The following GRIK4 variants were observed in gnomAD, a reference collection of about 807,000 sequenced individuals.
GRIK4 encodes glutamate receptor ionotropic, kainate 4.
A neutral mutation model predicts 104.9 loss-of-function variants in GRIK4; 40 were observed. That is an observed-to-expected ratio of 0.38 (90% CI 0.30 to 0.50). The LOEUF (loss-of-function observed/expected upper bound fraction) is 0.50, where lower values mean the gene tolerates loss of function less well. Ranked by LOEUF, GRIK4 falls within the 20% of genes least tolerant of loss-of-function variation. The pLI is 0.93. For missense variants in GRIK4, 1,047 were observed against 1,308.1 expected (o/e 0.80, Z 3.08); for synonymous variants, 485 against 524.9 (o/e 0.92, Z 1.04).
Position 120,781,971 on chromosome 11 carries a change from C to T in GRIK4, c.83-20722C>T, listed in dbSNP as rs146522782. On this transcript the variant is annotated intron_variant, in intron 3 of 20. Coordinates refer to ENST00000527524, the MANE Select transcript of GRIK4 (RefSeq NM_014619.5). ...CTGCCAAGCTCCCTCTTACCTTTCTCCTCCAACTTGGCATGTTCTTCCTCT... is the reference window on the plus strand; with the variant it reads ...CTGCCAAGCTCCCTCTTACCTTTCTTCTCCAACTTGGCATGTTCTTCCTCT... Among the ~76,000 whole-genome samples, 3 of 152,288 alleles carry T rather than the reference C, an allele frequency of 2.0e-5. No individual in the cohort carries two copies. The East Asian group carries it at 5.8e-4, about 29-fold the overall frequency.
chr11:120,655,027 C>T (rs1001132520), intron 2 of GRIK4, among the ~76,000 whole-genome samples: 1 of 152,098 alleles, frequency 6.6e-6, no homozygotes, highest in African/African-American at 2.4e-5. Context: ...ATGCACACAC[C>T]AAACTGGGAA....
intron 1 of GRIK4, among the ~76,000 whole-genome samples, chr11:120,536,909 C>T (rs745595414): frequency 2.6e-5 from 4 of 152,236 alleles, no homozygotes; most frequent in Admixed American, 6.5e-5. Flanking sequence ...CAGCTCTGCC[C>T]GGCCCAGACG....
chr11:120,796,084 G>A (rs1165394445), intron 3 of GRIK4, among the ~76,000 whole-genome samples: 3 of 148,074 alleles, frequency 2.0e-5, no homozygotes, highest in Non-Finnish European at 3.0e-5. Context: ...TGCCAAGGCC[G>A]GAGTGCAGTG....
intron 3 of GRIK4, among the ~76,000 whole-genome samples, chr11:120,683,844 G>T (rs557638596): frequency 2.0e-5 from 3 of 152,240 alleles, no homozygotes; most frequent in Non-Finnish European, 4.4e-5. Context: ...GAAGGGTCTT[G>T]ACAGACCAGC....
At chr11:120,717,112 T>G (rs949787421) in intron 3 of GRIK4, among the ~76,000 whole-genome samples, 1 of 152,208 alleles carries the variant, frequency 6.6e-6, no homozygotes, top group African/African-American at 2.4e-5. Flanking sequence ...AGATTTTTCC[T>G]GCCGACGGAA....
At chr11:120,982,467 A>G (rs1944668217) in intron 20 of GRIK4, among the ~76,000 whole-genome samples, 1 of 152,252 alleles carries the variant, frequency 6.6e-6, no homozygotes, top group African/African-American at 2.4e-5. Flanking sequence ...CCAGGTTACT[A>G]TGGAAAAGAC....
At chr11:120,758,546 G>A (rs1951691870) in intron 3 of GRIK4, among the ~76,000 whole-genome samples, 1 of 152,208 alleles carries the variant, frequency 6.6e-6, no homozygotes, top group Admixed American at 6.5e-5. Context: ...TGCAGGGTCA[G>A]CACTGTAACC....
At chr11:120,520,620 C>G (rs571485542) in intron 1 of GRIK4, among the ~76,000 whole-genome samples, 1 of 152,090 alleles carries the variant, frequency 6.6e-6, no homozygotes, top group Non-Finnish European at 1.5e-5. Context: ...CCCACTGGAC[C>G]AACCAGGGTT....
At chr11:120,929,000 C>CGT (rs1565445123) in intron 13 of GRIK4, among the ~76,000 whole-genome samples, 37 of 143,922 alleles carry the variant, frequency 2.6e-4, no homozygotes, top group African/African-American at 9.6e-4. Context: ...CGCGCGTGCA[C>CGT]GCGTGTATGT....
At chr11:120,874,324 C>T in intron 10 of GRIK4, 106 bp downstream of exon 10, 1 of 852,990 alleles carries the variant, frequency 1.2e-6, no homozygotes, top group East Asian at 2.7e-5. Flanking sequence ...CGAAATGTGT[C>T]TGTTATTACA....
chr11:120,785,206 T>C (rs1175649094), intron 3 of GRIK4, among the ~76,000 whole-genome samples: 4 of 152,160 alleles, frequency 2.6e-5, no homozygotes, highest in African/African-American at 9.7e-5. Flanking sequence ...CAGTGAGCCA[T>C]GAGACTGGAT....
chr11:120,906,399 A>C (rs1435594738), intron 13 of GRIK4, among the ~76,000 whole-genome samples: 1 of 152,226 alleles, frequency 6.6e-6, no homozygotes, highest in African/African-American at 2.4e-5. Context: ...GCTGATGTGC[A>C]AGGTGTTTTA....
At chr11:120,795,562 C>T (rs1316187000) in intron 3 of GRIK4, among the ~76,000 whole-genome samples, 1 of 152,214 alleles carries the variant, frequency 6.6e-6, no homozygotes, top group Non-Finnish European at 1.5e-5. Context: ...TACTGTGTGT[C>T]CAGAATTGTG....
At chr11:120,929,941 T>G (rs1402049367) in intron 13 of GRIK4, among the ~76,000 whole-genome samples, 1 of 152,046 alleles carries the variant, frequency 6.6e-6, no homozygotes, top group Admixed American at 6.5e-5. Context: ...CATACAGGCA[T>G]CTGTCAGAAA....
chr11:120,681,724 G>C (rs531534063), intron 3 of GRIK4, among the ~76,000 whole-genome samples: 1 of 152,220 alleles, frequency 6.6e-6, no homozygotes, highest in Non-Finnish European at 1.5e-5. Flanking sequence ...GTCACAGGCA[G>C]CCCAGCAACC....
At chr11:120,739,672 G>A (rs976815269) in intron 3 of GRIK4, among the ~76,000 whole-genome samples, 1 of 152,206 alleles carries the variant, frequency 6.6e-6, no homozygotes, top group Admixed American at 6.5e-5. Context: ...ACCTATCAGA[G>A]CAAAATTCTG....
chr11:120,603,137 C>T (rs1948909811), intron 1 of GRIK4, among the ~76,000 whole-genome samples: 1 of 152,216 alleles, frequency 6.6e-6, no homozygotes, highest in South Asian at 2.1e-4. Context: ...GAGACTGAGT[C>T]CCACTGGCAG....
intron 1 of GRIK4, among the ~76,000 whole-genome samples, chr11:120,644,273 G>C (rs1591763977): frequency 6.6e-6 from 1 of 152,194 alleles, no homozygotes; most frequent in Non-Finnish European, 1.5e-5. Context: ...CTCTTTGCTA[G>C]ATTAAATGTG....
At chr11:120,961,159 C>A in intron 17 of GRIK4, 85 bp downstream of exon 17, 1 of 1,215,220 alleles carries the variant, frequency 8.2e-7, no homozygotes, top group Non-Finnish European at 1.2e-6. Flanking sequence ...AAAAACATCT[C>A]TCCGCATCTC....
Sources: gnomAD v4.1 joint callset for allele counts (sites outside exome capture counted in the v4.1 genomes callset) on GRCh38, gnomAD v4.1.1 for gene constraint, MANE v1.5 for transcripts, NCBI Gene and HGNC (gene_info 2026-07-23, HGNC 2026-07-21) for gene names.